The following FAM135B variants were observed in gnomAD, a reference collection of about 807,000 sequenced individuals.
FAM135B encodes the protein family with sequence similarity 135 member B, also known as protein FAM135B.
A neutral mutation model predicts 127.7 loss-of-function variants in FAM135B; 43 were observed. The observed-to-expected ratio is 0.34, with a 90% CI of 0.26 to 0.43. The LOEUF (loss-of-function observed/expected upper bound fraction) is 0.43, where lower values mean the gene tolerates loss of function less well. Among genes scored for constraint, FAM135B ranks in the 20% least tolerant of loss-of-function variants. The probability of loss-of-function intolerance (pLI) is 1.00; values close to 1 mark genes in which losing one functional copy is unlikely to be tolerated. For missense variants in FAM135B, 1,558 were observed against 1,725.6 expected (o/e 0.90, Z 1.72); for synonymous variants, 670 against 665.1 (o/e 1.01, Z -0.11).
Position 138,363,850 on chromosome 8 carries a change from A to G in FAM135B, c.77+4057T>C, listed in dbSNP as rs562995518. Among the ~76,000 whole-genome samples, 18 of 152,146 alleles carry G rather than the reference A, an allele frequency of 1.2e-4. 1 individual carries two copies. The South Asian group carries it at 3.5e-3, about 30-fold the overall frequency. On this transcript the variant is annotated intron_variant, in intron 2 of 19. Coordinates refer to ENST00000395297, the MANE Select transcript of FAM135B (RefSeq NM_015912.4). Reference sequence around the variant, plus strand: ...ATGAGCTGCAACATTTGGATGGAGGAGATATTTCTCATAAACTATGTAAAT... The same window carrying G: ...ATGAGCTGCAACATTTGGATGGAGGGGATATTTCTCATAAACTATGTAAAT...
At chr8:138,162,847 G>A (rs1032416673) in intron 12 of FAM135B, among the ~76,000 whole-genome samples, 27 of 152,142 alleles carry the variant, frequency 1.8e-4, no homozygotes, top group African/African-American at 6.5e-4. Context: ...CCACGCCATA[G>A]AAAAACTTGA....
At chr8:138,245,362 T>C (rs890098722) in intron 6 of FAM135B, among the ~76,000 whole-genome samples, 6 of 152,198 alleles carry the variant, frequency 3.9e-5, no homozygotes, top group African/African-American at 1.4e-4. Flanking sequence ...GTTTTTGTAA[T>C]ACCCACATGT....
intron 9 of FAM135B, among the ~76,000 whole-genome samples, chr8:138,185,994 G>A (rs1815530303): frequency 6.6e-6 from 1 of 152,144 alleles, no homozygotes; most frequent in East Asian, 1.9e-4. Flanking sequence ...TACCCACGCT[G>A]CTTCAGTCTG....
In FAM135B at chr8:138,141,087, G is replaced by T; in HGVS notation, c.3790+111C>A. 9.4e-7 allele frequency: 1 copy of T among 1,060,158 alleles called. No individual in the cohort carries two copies. The highest frequency in any genetic ancestry group is 1.4e-6 in the Non-Finnish European group (1 of 725,898). The allele number at this position is 1,060,158 out of a possible 1,614,324, so 65.7% of individuals were successfully genotyped here. On this transcript the variant is annotated intron_variant, in intron 17 of 19. Transcript: ENST00000395297. The surrounding 1 kb of genome is among the most constrained non-coding windows in gnomAD (Gnocchi z 4.7). ...GGACTCCTCCCTCCATGCCATGCTT[G>T]GAAAAGACTGCACAGTCACAGGGTT...
intron 7 of FAM135B, among the ~76,000 whole-genome samples, chr8:138,236,391 C>T (rs1286307839): frequency 7.4e-6 from 1 of 135,612 alleles, no homozygotes; most frequent in East Asian, 2.0e-4. Context: ...ATAAAGAACA[C>T]ACACACATAC....
At position 138,152,155 on chromosome 8, in the gene FAM135B, G is replaced by A. The variant is rs1236143728; in HGVS notation, c.2320C>T (p.Pro774Ser). 3 of 1,613,898 alleles carry A rather than the reference G, an allele frequency of 1.9e-6. No homozygotes were observed. Among genetic ancestry groups the A allele is most frequent in the Non-Finnish European group, 2.5e-6 (3 of 1,180,032 alleles). The change falls in exon 13 of 20, where the codon CCC (proline) becomes TCC (serine). Residue 774 changes from proline (P) to serine (S), a missense_variant. Around this residue, in one of 5 missense-constraint regions of FAM135B, gnomAD observed 923 missense variants for 865.3 expected, o/e 1.07. Coordinates refer to ENST00000395297, the MANE Select transcript of FAM135B (RefSeq NM_015912.4). ...GCCTCCTCTGGGCTACTGATGTGGGGAGCAGATACAGACTTGGTTAACTTA... is the reference window on the plus strand; with the variant it reads ...GCCTCCTCTGGGCTACTGATGTGGGAAGCAGATACAGACTTGGTTAACTTA... ...LTKLTKSVSA[P>S]HISSPEEAAE...
chr8:138,145,938 C>T lies in FAM135B; in HGVS notation c.3540+21G>A, dbSNP rs753190700. The T allele has an allele frequency of 8.2e-6, 11 of 1,347,792 alleles. No individual in the cohort carries two copies. The South Asian group carries it at 1.3e-4, about 16-fold the overall frequency. The allele number at this position is 1,347,792 out of a possible 1,614,324, so 83.5% of individuals were successfully genotyped here. A position where few individuals can be genotyped will look rare whatever the true frequency, so the allele number is the denominator to read the frequency against. On this transcript the variant is annotated intron_variant, in intron 15 of 19. Coordinates refer to ENST00000395297, the MANE Select transcript of FAM135B (RefSeq NM_015912.4). ...GCATGCATCCAGGGTTCTTCCAGTT[C>T]TGATATTTGTATCATCATACCTGAT... is the stretch of plus-strand genomic sequence containing the variant.
intron 1 of FAM135B, among the ~76,000 whole-genome samples, chr8:138,371,965 T>C (rs967498391): frequency 1.3e-5 from 2 of 152,156 alleles, no homozygotes; most frequent in East Asian, 1.9e-4. Context: ...GACCTTGCCC[T>C]CATGATGCTC....
rs1157444347 is a variant in FAM135B, at chr8:138,414,842, TG to T, written c.-19-46841del. 3.3e-5 allele frequency among the ~76,000 whole-genome samples: 5 copies of T among 152,224 alleles called. No individual in the cohort carries two copies. In the East Asian group the frequency reaches 9.7e-4, roughly 29 times the overall value. On this transcript the variant is annotated intron_variant, in intron 1 of 19. Coordinates refer to ENST00000395297, the MANE Select transcript of FAM135B (RefSeq NM_015912.4). ...TGTCCTAATTCTAAAGAAAAAAACATGAAATGACATGGAGGAATCTCTGTGC... is the reference window on the plus strand; with the variant it reads ...TGTCCTAATTCTAAAGAAAAAAACATAAATGACATGGAGGAATCTCTGTGC...
At chr8:138,428,240 C>T (rs999244263) in intron 1 of FAM135B, among the ~76,000 whole-genome samples, 1 of 152,124 alleles carries the variant, frequency 6.6e-6, no homozygotes, top group African/African-American at 2.4e-5. Flanking sequence ...AATGAAGTCT[C>T]CCGTTGACTA....
At chr8:138,412,708 A>T (rs1731800476) in intron 1 of FAM135B, among the ~76,000 whole-genome samples, 1 of 152,198 alleles carries the variant, frequency 6.6e-6, no homozygotes, top group Admixed American at 6.5e-5. Context: ...AACAATGGAT[A>T]ATACATGATT....
intron 9 of FAM135B, among the ~76,000 whole-genome samples, chr8:138,183,481 C>T (rs999459696): frequency 1.3e-5 from 2 of 152,170 alleles, no homozygotes; most frequent in Non-Finnish European, 2.9e-5. Context: ...ACAGCATGCT[C>T]ACAGGTCTGC....
intron 4 of FAM135B, among the ~76,000 whole-genome samples, chr8:138,263,255 T>G (rs1822677108): frequency 6.6e-6 from 1 of 152,204 alleles, no homozygotes; most frequent in Non-Finnish European, 1.5e-5. Context: ...TCCGTACCCG[T>G]GGCTATCAAA....
chr8:138,435,016 G>A (rs1234625582), intron 1 of FAM135B, among the ~76,000 whole-genome samples: 2 of 152,128 alleles, frequency 1.3e-5, no homozygotes, highest in Non-Finnish European at 2.9e-5. Context: ...TGTGGCTGAA[G>A]CCACACGCCA....
chr8:138,274,516 C>G (rs956548953), intron 3 of FAM135B, among the ~76,000 whole-genome samples: 32 of 152,246 alleles, frequency 2.1e-4, no homozygotes, highest in Middle Eastern at 3.4e-3. Context: ...GTTTCAGGCA[C>G]CATTGTCATT....
At chr8:138,375,107 G>C (rs1831380398) in intron 1 of FAM135B, among the ~76,000 whole-genome samples, 1 of 152,044 alleles carries the variant, frequency 6.6e-6, no homozygotes, top group Admixed American at 6.6e-5. Flanking sequence ...GCCTGCTGCT[G>C]CATCTGCCTG....
At position 138,251,093 on chromosome 8, in the gene FAM135B, T is replaced by G; in HGVS notation, c.369-79A>C. 3 of 1,517,440 alleles carry G rather than the reference T, an allele frequency of 2.0e-6. No individual in the cohort carries two copies. In the East Asian group the frequency reaches 6.8e-5, roughly 34 times the overall value. 94.0% of individuals were successfully genotyped at this position (1,517,440 alleles called of 1,614,324 possible). On this transcript the variant is annotated intron_variant, in intron 5 of 19. Transcript: ENST00000395297. Reference sequence around the variant, plus strand: ...CCTCCTAGCATGTCTGTATTAAGCCTCTCCATGGGCCAAGCACCATGCATA... The same window carrying G: ...CCTCCTAGCATGTCTGTATTAAGCCGCTCCATGGGCCAAGCACCATGCATA...
chr8:138,171,989 A>G (rs1820498032), intron 11 of FAM135B, among the ~76,000 whole-genome samples: 1 of 152,150 alleles, frequency 6.6e-6, no homozygotes, highest in Admixed American at 6.5e-5. Flanking sequence ...TGCATGGTGC[A>G]TATATGGGAA....
At chr8:138,367,860 AACACACAC>A (rs3084240) in intron 2 of FAM135B, 39 bp downstream of exon 2, 36 of 1,240,288 alleles carry the variant, frequency 2.9e-5, no homozygotes, top group Admixed American at 2.6e-4. Context: ...AGAAACAAAC[AACACACAC>A]ACACACACAC....
Sources: gnomAD v4.1 joint callset for allele counts (sites outside exome capture counted in the v4.1 genomes callset) on GRCh38, gnomAD v4.1.1 for gene constraint, gnomAD v4.1.1 regional missense constraint, Gnocchi (gnomAD v3.1) non-coding constraint, MANE v1.5 for transcripts, NCBI Gene and HGNC (gene_info 2026-07-23, HGNC 2026-07-21) for gene names.